The following USP13 variants were observed in gnomAD, a reference collection of about 807,000 sequenced individuals.
USP13 encodes ubiquitin specific peptidase 13.
Under a neutral mutation model 107.8 loss-of-function variants are expected in USP13, and 68 were observed. The ratio of observed to expected loss-of-function variants is 0.63; its 90% CI spans 0.52 to 0.77. The LOEUF (loss-of-function observed/expected upper bound fraction) is 0.77, where lower values mean the gene tolerates loss of function less well. Ranked by LOEUF, USP13 falls within the 30% of genes least tolerant of loss-of-function variation. The pLI, the probability that USP13 is intolerant of heterozygous loss-of-function variation, is 0.00. For missense variants in USP13, 945 were observed against 1,093.3 expected (o/e 0.86, Z 1.91); for synonymous variants, 377 against 389.5 (o/e 0.97, Z 0.38).
At chr3:179,688,422 A>C (rs190556929) in intron 2 of USP13, among the ~76,000 whole-genome samples, 1 of 152,088 alleles carries the variant, frequency 6.6e-6, no homozygotes, top group African/African-American at 2.4e-5. Flanking sequence ...ATGCTCCCCT[A>C]CTATGCTGGC....
intron 19 of USP13, among the ~76,000 whole-genome samples, chr3:179,773,512 C>T (rs567751767): frequency 6.6e-6 from 1 of 152,278 alleles, no homozygotes; most frequent in African/African-American, 2.4e-5. Context: ...CATTTAAAGA[C>T]ACTTCTGAAT....
Position 179,653,519 on chromosome 3 carries a change from A to C in USP13, c.168+126A>C. The C allele has an allele frequency of 7.6e-7, 1 of 1,319,958 alleles. No individual in the cohort carries two copies. Among genetic ancestry groups the C allele is most frequent in the Non-Finnish European group, 1.0e-6 (1 of 972,142 alleles). The allele number at this position is 1,319,958 out of a possible 1,614,324, so 81.8% of individuals were successfully genotyped here. ...CTCCGGGCGGCAGAGTTGGCTCAGG[A>C]ACACTGCAGTTCGGCAGACACTTAG... On this transcript the variant is annotated intron_variant, in intron 1 of 20. Transcript: ENST00000263966. The surrounding 1 kb of genome is among the most constrained non-coding windows in gnomAD (Gnocchi z 4.0).
intron 19 of USP13, 123 bp downstream of exon 19, chr3:179,765,971 T>G (rs1417881342): frequency 1.8e-6 from 2 of 1,107,548 alleles, no homozygotes; most frequent in Non-Finnish European, 2.5e-6. Flanking sequence ...AGATCCCATC[T>G]TCTTCGTTTT....
chr3:179,718,076 C>T (rs1713169375), intron 6 of USP13, among the ~76,000 whole-genome samples: 1 of 151,980 alleles, frequency 6.6e-6, no homozygotes, highest in Non-Finnish European at 1.5e-5. Flanking sequence ...GTAGGGAGCT[C>T]CTTGGACAGT....
chr3:179,772,452 C>A (rs977793795), intron 19 of USP13, among the ~76,000 whole-genome samples: 1 of 152,172 alleles, frequency 6.6e-6, no homozygotes, highest in Non-Finnish European at 1.5e-5. Context: ...CTGAGATTTT[C>A]CAGGCAGGGA....
At chr3:179,697,393 A>G (rs1712364121) in intron 3 of USP13, among the ~76,000 whole-genome samples, 1 of 152,240 alleles carries the variant, frequency 6.6e-6, no homozygotes, top group South Asian at 2.1e-4. Context: ...TCAGGGTGAG[A>G]GAACACTGAC....
chr3:179,696,805 T>C (rs752454263), intron 3 of USP13, among the ~76,000 whole-genome samples: 28 of 148,378 alleles, frequency 1.9e-4, no homozygotes, highest in South Asian at 8.8e-4. Flanking sequence ...ATGAAGGAGA[T>C]AGTAGAGAAG....
chr3:179,756,898 G>T (rs1714824033), intron 15 of USP13, among the ~76,000 whole-genome samples, 154 bp from the exon 16 acceptor site: 1 of 152,102 alleles, frequency 6.6e-6, no homozygotes. Flanking sequence ...ACTGAGGCTG[G>T]GGTGGTCTGC....
chr3:179,715,185 T>TTC (rs575998858), intron 6 of USP13, among the ~76,000 whole-genome samples: 2 of 150,954 alleles, frequency 1.3e-5, no homozygotes, highest in East Asian at 2.0e-4. Flanking sequence ...CCTGGTCCTG[T>TTC]TCTCTCTCTC....
intron 20 of USP13, 48 bp downstream of exon 20, chr3:179,781,871 C>G: frequency 2.7e-6 from 4 of 1,498,772 alleles, no homozygotes; most frequent in Non-Finnish European, 3.7e-6. Context: ...TATTGAGTAC[C>G]TACTATATGC....
chr3:179,655,082 A>C (rs111932004), intron 1 of USP13, among the ~76,000 whole-genome samples: 1,243 of 96,544 alleles, frequency 0.013, 26 homozygotes, highest in African/African-American at 0.054. Context: ...CTAAAGGTGG[A>C]GAGGGATGAT....
At chr3:179,662,397 T>A (rs1274650746) in intron 1 of USP13, among the ~76,000 whole-genome samples, 3 of 152,188 alleles carry the variant, frequency 2.0e-5, no homozygotes, top group Admixed American at 2.0e-4. Context: ...AATTGCCAGT[T>A]CTGGAGTCTT....
chr3:179,672,390 C>CTT (rs1231843720), intron 1 of USP13, among the ~76,000 whole-genome samples: 1 of 139,424 alleles, frequency 7.2e-6, no homozygotes, highest in East Asian at 2.1e-4. Flanking sequence ...CTTTTTTTTT[C>CTT]TTTTTTTTTT....
At chr3:179,680,401 A>G (rs940569389) in intron 1 of USP13, among the ~76,000 whole-genome samples, 15 of 152,168 alleles carry the variant, frequency 9.9e-5, no homozygotes, top group African/African-American at 3.6e-4. Context: ...CATTATATTT[A>G]CTAGTTCAGC....
chr3:179,745,275 CAG>C, intron 13 of USP13, 58 bp downstream of exon 13: 1 of 1,466,876 alleles, frequency 6.8e-7, no homozygotes, highest in Non-Finnish European at 9.3e-7. Context: ...GGGGTGGGGA[CAG>C]GGGTAAGGGA....
At chr3:179,703,546 A>G (rs1712607936) in intron 4 of USP13, among the ~76,000 whole-genome samples, 1 of 152,182 alleles carries the variant, frequency 6.6e-6, no homozygotes, top group South Asian at 2.1e-4. Context: ...TTTTGACATC[A>G]GGAATTGGAG....
intron 6 of USP13, among the ~76,000 whole-genome samples, chr3:179,711,477 T>C (rs1712924846): frequency 1.3e-5 from 2 of 152,232 alleles, no homozygotes; most frequent in African/African-American, 4.8e-5. Flanking sequence ...CCTCTCAAAG[T>C]GTTGGGATTA....
chr3:179,682,247 G>GAAAAA (rs55876994), intron 2 of USP13, among the ~76,000 whole-genome samples: 85 of 145,534 alleles, frequency 5.8e-4, no homozygotes, highest in East Asian at 2.6e-3. Flanking sequence ...TGACTAATTG[G>GAAAAA]AAAAAAAAAA....
intron 19 of USP13, among the ~76,000 whole-genome samples, chr3:179,775,636 G>A (rs1228091230): frequency 6.6e-6 from 1 of 152,218 alleles, no homozygotes; most frequent in Non-Finnish European, 1.5e-5. Context: ...GGCATGGCAG[G>A]CTGCAGGTCC....
Sources: gnomAD v4.1 joint callset for allele counts (sites outside exome capture counted in the v4.1 genomes callset) on GRCh38, gnomAD v4.1.1 for gene constraint, Gnocchi (gnomAD v3.1) non-coding constraint, MANE v1.5 for transcripts, NCBI Gene and HGNC (gene_info 2026-07-23, HGNC 2026-07-21) for gene names.